Variants in SLC38A8 observed in about 807,000 individuals in gnomAD.
The protein encoded by SLC38A8 is solute carrier family 38 member 8.
In SLC38A8, 65 loss-of-function variants were observed where a neutral mutation model predicts 46.0. That is an observed-to-expected ratio of 1.41 (90% CI 1.16 to 1.74). SLC38A8 has a LOEUF of 1.74. Ranked by LOEUF, SLC38A8 falls within the 40% of genes most tolerant of loss-of-function variation. The pLI, the probability that SLC38A8 is intolerant of heterozygous loss-of-function variation, is 0.00. For synonymous variants in SLC38A8, 447 were observed against 243.7 expected (o/e 1.83, Z -7.77); for missense variants, 998 against 567.9 (o/e 1.76, Z -7.70).
intron 3 of SLC38A8, among the ~76,000 whole-genome samples, chr16:84,035,789 G>A (rs9933734): frequency 0.39 from 59,135 of 152,114 alleles, 11,973 homozygotes; most frequent in East Asian, 0.59. Flanking sequence ...CAAAGACCAC[G>A]AACCATGAAG....
At chr16:84,025,571 C>T (rs2085153401) in intron 6 of SLC38A8, among the ~76,000 whole-genome samples, 1 of 152,172 alleles carries the variant, frequency 6.6e-6, no homozygotes, top group Non-Finnish European at 1.5e-5. Context: ...GGATCGGAGC[C>T]TGCACCGAGC....
At chr16:84,018,344 T>C (rs1167277774) in intron 7 of SLC38A8, among the ~76,000 whole-genome samples, 3 of 147,474 alleles carry the variant, frequency 2.0e-5, no homozygotes, top group Non-Finnish European at 4.5e-5. Context: ...GCCATTCTCC[T>C]GCCCTAGCCT....
chr16:84,029,411 G>C (rs1440622531), intron 6 of SLC38A8, 83 bp downstream of exon 6: 1 of 1,488,242 alleles, frequency 6.7e-7, no homozygotes, highest in Non-Finnish European at 9.3e-7. Flanking sequence ...CCCTGACAGA[G>C]AAACCAAGGT....
At chr16:84,020,121 C>G (rs557008563) in intron 7 of SLC38A8, among the ~76,000 whole-genome samples, 1 of 151,502 alleles carries the variant, frequency 6.6e-6, no homozygotes, top group African/African-American at 2.4e-5. Context: ...TGGACCCCTA[C>G]GCTTTCCACA....
chr16:84,014,528 C>G (rs1567689883), intron 9 of SLC38A8, among the ~76,000 whole-genome samples: 3 of 151,370 alleles, frequency 2.0e-5, no homozygotes, highest in South Asian at 2.1e-4. Flanking sequence ...AAGGGAGAAG[C>G]CACATGGCCA....
At chr16:84,033,647 C>G (rs1567701811) in intron 3 of SLC38A8, among the ~76,000 whole-genome samples, 178 bp from the exon 4 acceptor site, 1 of 152,214 alleles carries the variant, frequency 6.6e-6, no homozygotes, top group Non-Finnish European at 1.5e-5. Context: ...CAGGAACAAA[C>G]CCTGACACAT....
chr16:84,033,876 T>C (rs2085273822), intron 3 of SLC38A8, among the ~76,000 whole-genome samples: 1 of 152,206 alleles, frequency 6.6e-6, no homozygotes, highest in South Asian at 2.1e-4. Flanking sequence ...CAGGCTGCTG[T>C]GCATGAGCAT....
intron 6 of SLC38A8, among the ~76,000 whole-genome samples, chr16:84,026,268 C>T (rs916832308): frequency 4.6e-5 from 7 of 152,152 alleles, no homozygotes; most frequent in African/African-American, 1.7e-4. Context: ...CTCGCTCCAT[C>T]GCCCAGGCTG....
rs2085041887 is a variant in SLC38A8, at chr16:84,017,279, C to T, written c.814G>A (p.Gly272Ser). ...CLIYSLTGVY[G>S]FLTFGTEVSA... ...ACTTCTGTCCCAAAAGTCAGGAAGC[C>T]ATAAACCCCTGAAGGTGGGAAAGGA... The change falls in exon 8 of 11, where the codon GGC (glycine) becomes AGC (serine). Residue 272 changes from glycine (G) to serine (S), a missense_variant. Coordinates refer to ENST00000299709, the MANE Select transcript of SLC38A8 (RefSeq NM_001080442.3). 5.0e-6 allele frequency: 8 copies of T among 1,613,950 alleles called. No individual in the cohort carries two copies. The highest frequency in any genetic ancestry group is 5.9e-6 in the Non-Finnish European group (7 of 1,180,022).
At chr16:84,035,906 A>G (rs1343709882) in intron 3 of SLC38A8, among the ~76,000 whole-genome samples, 2 of 152,244 alleles carry the variant, frequency 1.3e-5, no homozygotes, top group Non-Finnish European at 2.9e-5. Flanking sequence ...TATGGTTGCA[A>G]TGACGATCTG....
At chr16:84,037,206 T>C (rs2085310134) in intron 2 of SLC38A8, among the ~76,000 whole-genome samples, 1 of 152,176 alleles carries the variant, frequency 6.6e-6, no homozygotes, top group Non-Finnish European at 1.5e-5. Flanking sequence ...ACCCAGTGTT[T>C]AAGTTACTCT....
chr16:84,035,904 C>T (rs1306849412), intron 3 of SLC38A8, among the ~76,000 whole-genome samples: 1 of 152,238 alleles, frequency 6.6e-6, no homozygotes, highest in African/African-American at 2.4e-5. Context: ...AATATGGTTG[C>T]AATGACGATC....
rs1286966841 is a variant in SLC38A8 at position 84,036,584 on chromosome 16, G to A, written c.388+118C>T. The A allele has an allele frequency of 5.2e-6, 6 of 1,155,798 alleles. No individual in the cohort carries two copies. In the Admixed American group the frequency reaches 1.1e-4, roughly 21 times the overall value. The allele number at this position is 1,155,798 out of a possible 1,614,324, so 71.6% of individuals were successfully genotyped here. A position where few individuals can be genotyped will look rare whatever the true frequency, so the allele number is the denominator to read the frequency against. On this transcript the variant is annotated intron_variant, in intron 3 of 10. Transcript: ENST00000299709. ...TGTTAGGAACAAGAGTGTGGTTTCAGCCTCTGCTGTCCCTCAGGGCCCAGG... is the reference window on the plus strand; with the variant it reads ...TGTTAGGAACAAGAGTGTGGTTTCAACCTCTGCTGTCCCTCAGGGCCCAGG...
At chr16:84,012,086 A>T (rs1246225900) in intron 10 of SLC38A8, among the ~76,000 whole-genome samples, 1 of 152,078 alleles carries the variant, frequency 6.6e-6, no homozygotes, top group Non-Finnish European at 1.5e-5. Flanking sequence ...ACTGGGGAAA[A>T]AATTCATTTC....
chr16:84,039,787 G>C (rs1006358598), intron 2 of SLC38A8: 7 of 146,822 alleles, frequency 4.8e-5, no homozygotes, highest in African/African-American at 9.9e-5. Context: ...AAGGTGTGGG[G>C]GGCAAGGAAG....
In SLC38A8 at chr16:84,023,379, AC is replaced by A. The variant is rs549169317; in HGVS notation, c.691-491del. Among the ~76,000 whole-genome samples, 713 of 152,198 alleles carry A rather than the reference AC, an allele frequency of 4.7e-3. 3 individuals are homozygous for A. Among genetic ancestry groups the A allele is most frequent in the Middle Eastern group, 0.01 (3 of 294 alleles). On this transcript the variant is annotated intron_variant, in intron 6 of 10. Coordinates refer to ENST00000299709, the MANE Select transcript of SLC38A8 (RefSeq NM_001080442.3). ...GGGTGTGCTCTGACCAAGAAAAAGCACCCCTCTGCACAAAAGTAAAATTACT... is the reference window on the plus strand; with the variant it reads ...GGGTGTGCTCTGACCAAGAAAAAGCACCCTCTGCACAAAAGTAAAATTACT...
intron 7 of SLC38A8, among the ~76,000 whole-genome samples, chr16:84,019,891 T>C (rs1468002545): frequency 6.6e-6 from 1 of 152,270 alleles, no homozygotes; most frequent in Non-Finnish European, 1.5e-5. Flanking sequence ...TCATCTGTTT[T>C]GACACCATGT....
Position 84,021,163 on chromosome 16 carries a change from A to G in SLC38A8, c.805+1612T>C, listed in dbSNP as rs1020595916. On this transcript the variant is annotated intron_variant, in intron 7 of 10. Coordinates refer to ENST00000299709, the MANE Select transcript of SLC38A8 (RefSeq NM_001080442.3). ...CTGCAACCTCCAGCTCCCAGGTTCA[A>G]TTGATACTCCTGCCTCAACCTCCCA... is the stretch of plus-strand genomic sequence containing the variant. 2.6e-5 allele frequency among the ~76,000 whole-genome samples: 4 copies of G among 152,160 alleles called. No individual in the cohort carries two copies. The East Asian group carries it at 5.8e-4, about 22-fold the overall frequency.
At chr16:84,012,318 G>A (rs1219866475) in intron 10 of SLC38A8, among the ~76,000 whole-genome samples, 2 of 152,216 alleles carry the variant, frequency 1.3e-5, no homozygotes, top group African/African-American at 2.4e-5. Flanking sequence ...CAGCTGCTCA[G>A]TGGCAAAGTA....
Sources: gnomAD v4.1 joint callset for allele counts (sites outside exome capture counted in the v4.1 genomes callset) on GRCh38, gnomAD v4.1.1 for gene constraint, MANE v1.5 for transcripts, NCBI Gene and HGNC (gene_info 2026-07-23, HGNC 2026-07-21) for gene names.